The following MAGI2 variants were observed in gnomAD, a reference collection of about 807,000 sequenced individuals.
The protein encoded by MAGI2 is membrane-associated guanylate kinase, WW and PDZ domain-containing protein 2.
A neutral mutation model predicts 133.3 loss-of-function variants in MAGI2; 35 were observed. The ratio of observed to expected loss-of-function variants is 0.26; its 90% CI spans 0.20 to 0.35. The LOEUF (loss-of-function observed/expected upper bound fraction) is 0.35. Among genes scored for constraint, MAGI2 ranks in the 10% least tolerant of loss-of-function variants. The pLI is 1.00. For missense variants in MAGI2, 1,636 were observed against 1,863.4 expected, an observed-to-expected ratio of 0.88 and a Z score of 2.25; for synonymous variants, 729 against 710.6, an observed-to-expected ratio of 1.03 and a Z score of -0.41.
At chr7:78,785,573 C>A (rs1016833960) in intron 2 of MAGI2, among the ~76,000 whole-genome samples, 10 of 152,070 alleles carry the variant, frequency 6.6e-5, no homozygotes, top group African/African-American at 2.4e-4. Context: ...TTATTTGTTT[C>A]CTTTTTTGGG....
At position 78,441,845 on chromosome 7, in the gene MAGI2, GTC is replaced by G. The variant is rs150802817; in HGVS notation, c.1045+47914_1045+47915del. ...CGGTTAGATATACCTGTTGCAGACT[GTC>G]TCTCAGTTTTAGCTTTAGCCTCACA... On this transcript the variant is annotated intron_variant, in intron 6 of 21. Coordinates refer to ENST00000354212, the MANE Select transcript of MAGI2 (RefSeq NM_012301.4). Among the ~76,000 whole-genome samples the G allele has an allele frequency of 9.7e-3, 1,483 of 152,298 alleles. 10 individuals are homozygous for G. Among genetic ancestry groups the G allele is most frequent in the Non-Finnish European group, 0.016 (1,061 of 68,010 alleles).
intron 2 of MAGI2, among the ~76,000 whole-genome samples, chr7:78,853,325 ATTCG>A (rs1277978133): frequency 8.3e-5 from 7 of 84,712 alleles, no homozygotes; most frequent in African/African-American, 3.2e-4. Context: ...ACTCTTGTCC[ATTCG>A]TTCTTTTTTT....
intron 2 of MAGI2, among the ~76,000 whole-genome samples, chr7:78,838,687 G>T (rs73137285): frequency 0.089 from 13,447 of 151,746 alleles, 740 homozygotes; most frequent in Middle Eastern, 0.15. Flanking sequence ...CATTGAATAT[G>T]GAATATTTTT....
chr7:78,079,188 G>T, intron 20 of MAGI2, 103 bp from the exon 21 acceptor site: 2 of 1,136,226 alleles, frequency 1.8e-6, no homozygotes, highest in Non-Finnish European at 2.6e-6. Context: ...GAGAGCATCC[G>T]AACAATTTGG....
At chr7:79,308,684 G>C (rs1476788550) in intron 1 of MAGI2, among the ~76,000 whole-genome samples, 1 of 152,216 alleles carries the variant, frequency 6.6e-6, no homozygotes. Context: ...ATGCCTTAAA[G>C]AAATTATTAA....
At chr7:79,368,847 CAAAAAAAAAAAAAA>C (rs71095400) in intron 1 of MAGI2, among the ~76,000 whole-genome samples, 48 of 75,352 alleles carry the variant, frequency 6.4e-4, no homozygotes, top group Admixed American at 1.2e-3. Flanking sequence ...GACTCCGTCT[CAAAAAAAAAAAAAA>C]AAAAAAAAAA....
chr7:79,102,807 A>G (rs1233478429), intron 1 of MAGI2, among the ~76,000 whole-genome samples: 3 of 152,234 alleles, frequency 2.0e-5, no homozygotes, highest in Non-Finnish European at 4.4e-5. Flanking sequence ...GCTAGGCTAC[A>G]GTCCCATTAT....
intron 2 of MAGI2, among the ~76,000 whole-genome samples, chr7:78,755,828 A>C (rs1823892269): frequency 6.6e-6 from 1 of 152,230 alleles, no homozygotes; most frequent in African/African-American, 2.4e-5. Flanking sequence ...CTCAATAAAC[A>C]AATTTGCCAT....
At chr7:78,264,528 G>A (rs907900660) in intron 9 of MAGI2, among the ~76,000 whole-genome samples, 19 of 152,142 alleles carry the variant, frequency 1.2e-4, no homozygotes, top group Admixed American at 1.2e-3. Flanking sequence ...GGGAATCGGG[G>A]AATCCACTGT....
At chr7:78,167,857 C>G in intron 15 of MAGI2, 59 bp downstream of exon 15, 2 of 1,523,546 alleles carry the variant, frequency 1.3e-6, no homozygotes, top group Non-Finnish European at 1.8e-6. Context: ...CTTACCATGT[C>G]TCACAAAAGC....
intron 1 of MAGI2, among the ~76,000 whole-genome samples, chr7:79,071,375 G>T (rs112210107): frequency 6.6e-6 from 1 of 151,990 alleles, no homozygotes; most frequent in Non-Finnish European, 1.5e-5. Flanking sequence ...CCTGTATGAG[G>T]TGTCTGTTGG....
intron 2 of MAGI2, among the ~76,000 whole-genome samples, chr7:78,770,450 G>A (rs1825468163): frequency 6.6e-6 from 1 of 152,178 alleles, no homozygotes; most frequent in Non-Finnish European, 1.5e-5. Context: ...TTGGTTCTCT[G>A]AACTATTCTG....
At chr7:79,064,341 C>T (rs911747727) in intron 1 of MAGI2, among the ~76,000 whole-genome samples, 1 of 152,046 alleles carries the variant, frequency 6.6e-6, no homozygotes, top group African/African-American at 2.4e-5. Flanking sequence ...GTTATTCCCT[C>T]TTCCCAGTAT....
At chr7:78,898,985 G>C (rs563662922) in intron 2 of MAGI2, among the ~76,000 whole-genome samples, 2 of 152,032 alleles carry the variant, frequency 1.3e-5, no homozygotes, top group South Asian at 4.2e-4. Context: ...GGTTGAATTT[G>C]GCCATGTAGA....
chr7:79,289,650 A>G (rs1226037004), intron 1 of MAGI2, among the ~76,000 whole-genome samples: 1 of 152,148 alleles, frequency 6.6e-6, no homozygotes, highest in Non-Finnish European at 1.5e-5. Flanking sequence ...AATATAGATG[A>G]ATCTCTTGGA....
intron 2 of MAGI2, among the ~76,000 whole-genome samples, chr7:78,708,311 C>G (rs1462266312): frequency 6.6e-6 from 1 of 152,040 alleles, no homozygotes; most frequent in Non-Finnish European, 1.5e-5. Flanking sequence ...GACCTATATC[C>G]ACTTTAAGAT....
At chr7:79,129,598 T>C (rs963283286) in intron 1 of MAGI2, among the ~76,000 whole-genome samples, 1 of 152,210 alleles carries the variant, frequency 6.6e-6, no homozygotes, top group African/African-American at 2.4e-5. Context: ...TAAGTTTGCT[T>C]AGTGGTGACA....
rs117959340 is a variant in MAGI2, at chr7:78,452,025, C to G, written c.1045+37736G>C. On this transcript the variant is annotated intron_variant, in intron 6 of 21. Coordinates refer to ENST00000354212, the MANE Select transcript of MAGI2 (RefSeq NM_012301.4). ...AGATCTGGTTGAATCCTGAGGGATA[C>G]TGATGTAACAATATCTTTGTAATAT... 3.4e-3 allele frequency among the ~76,000 whole-genome samples: 517 copies of G among 152,092 alleles called. 1 individual carries two copies. The highest frequency in any genetic ancestry group is 5.7e-3 in the Non-Finnish European group (386 of 67,982).
chr7:78,573,247 A>ATATATAT (rs1801794540), intron 3 of MAGI2, among the ~76,000 whole-genome samples: 20 of 44,830 alleles, frequency 4.5e-4, no homozygotes, highest in Non-Finnish European at 6.7e-4. Flanking sequence ...TATATATATA[A>ATATATAT]ATATATATAA....
Sources: gnomAD v4.1 joint callset for allele counts (sites outside exome capture counted in the v4.1 genomes callset) on GRCh38, gnomAD v4.1.1 for gene constraint, MANE v1.5 for transcripts, NCBI Gene and HGNC (gene_info 2026-07-23, HGNC 2026-07-21) for gene names.